Variants in MYO18B observed in about 807,000 individuals in gnomAD.
The protein encoded by MYO18B is unconventional myosin-XVIIIb.
Under a neutral mutation model 273.0 loss-of-function variants are expected in MYO18B, and 204 were observed. The observed-to-expected ratio is 0.75, with a 90% CI of 0.67 to 0.84. MYO18B has a LOEUF of 0.84. Ranked by LOEUF, MYO18B falls within the 40% of genes least tolerant of loss-of-function variation. The pLI is 0.00. For missense variants in MYO18B, 3,212 were observed against 3,287.6 expected, an observed-to-expected ratio of 0.98 and a Z score of 0.56; for synonymous variants, 1,330 against 1,305.7, an observed-to-expected ratio of 1.02 and a Z score of -0.40.
chr22:25,955,242 A>G lies in MYO18B; in HGVS notation c.6034A>G (p.Thr2012Ala), dbSNP rs772367447. Residue 2012 changes from threonine to alanine, a missense_variant, in exon 39 of 44, where the codon ACC becomes GCC. Transcript: ENST00000335473. ...GGGGGAGGAGCTTTCACAGGCGGCC[A>G]CCTCCGAGTCCCAGCAGCGGGAGAG... The part of the protein sequence containing the change: ...KMGEELSQAA[T>A]SESQQRESSQ... The G allele has an allele frequency of 1.2e-5, 19 of 1,613,252 alleles. No homozygotes were observed. The East Asian group carries it at 3.6e-4, about 30-fold the overall frequency.
chr22:25,816,003 C>G (rs1569059911), intron 12 of MYO18B, among the ~76,000 whole-genome samples: 1 of 152,180 alleles, frequency 6.6e-6, no homozygotes. Context: ...ACAACTTTCT[C>G]CAAACCCAGT....
chr22:25,978,318 A>G (rs1486169357), intron 39 of MYO18B, among the ~76,000 whole-genome samples: 1 of 152,134 alleles, frequency 6.6e-6, no homozygotes, highest in Admixed American at 6.5e-5. Context: ...CTTGTCAGAG[A>G]AGGGATAAGG....
chr22:25,835,311 G>GT lies in MYO18B; in HGVS notation c.3076_3077insT (p.Gly1026ValfsTer16). On this transcript the variant is annotated frameshift_variant, in exon 17 of 44. Transcript: ENST00000335473. LOFTEE classifies it high-confidence loss of function. Reference sequence around the variant, plus strand: ...CTCCCAGCAGGTCCGCTTACCAGCTGGAGGAGGTGCCCAGGATGCCAGAGG... The same window carrying GT: ...CTCCCAGCAGGTCCGCTTACCAGCTGTGAGGAGGTGCCCAGGATGCCAGAGG... 6.2e-7 allele frequency: 1 copy of GT among 1,613,884 alleles called. No individual in the cohort carries two copies. The highest frequency in any genetic ancestry group is 8.5e-7 in the Non-Finnish European group (1 of 1,179,820).
At chr22:25,938,009 G>C (rs1444964370) in intron 34 of MYO18B, among the ~76,000 whole-genome samples, 1 of 152,222 alleles carries the variant, frequency 6.6e-6, no homozygotes, top group Non-Finnish European at 1.5e-5. Context: ...CAAGTACCCT[G>C]ATGGGATGTC....
At chr22:25,881,254 C>T (rs1164142594) in intron 25 of MYO18B, among the ~76,000 whole-genome samples, 1 of 152,212 alleles carries the variant, frequency 6.6e-6, no homozygotes, top group African/African-American at 2.4e-5. Context: ...TGGAGTTGGC[C>T]ACGGAGAAGG....
chr22:26,062,083 T>C, the MYO18B span, among the ~76,000 whole-genome samples: 2 of 152,222 alleles, frequency 1.3e-5, no homozygotes, highest in African/African-American at 4.8e-5. Flanking sequence ...TTAGGATCCA[T>C]GAAACATTAT....
chr22:25,743,069 G>T (rs79236830), intron 1 of MYO18B, among the ~76,000 whole-genome samples: 5,026 of 152,360 alleles, frequency 0.033, 217 homozygotes, highest in African/African-American at 0.099. Context: ...CCATGGAGGA[G>T]GCCAGGAGTG....
intron 12 of MYO18B, 48 bp from the exon 13 acceptor site, chr22:25,823,457 C>A: frequency 6.3e-7 from 1 of 1,587,054 alleles, no homozygotes; most frequent in South Asian, 1.1e-5. Flanking sequence ...TTCATTCACC[C>A]CATGCCCAAG....
chr22:25,916,035 T>C (rs576063694), intron 33 of MYO18B, among the ~76,000 whole-genome samples: 1 of 152,326 alleles, frequency 6.6e-6, no homozygotes, highest in Admixed American at 6.5e-5. Context: ...TGAACACAAA[T>C]TCAGGTATTA....
At chr22:25,936,137 G>A (rs1294604378) in intron 34 of MYO18B, among the ~76,000 whole-genome samples, 1 of 152,204 alleles carries the variant, frequency 6.6e-6, no homozygotes, top group Non-Finnish European at 1.5e-5. Context: ...AGGGGTGCTG[G>A]AATATAATAA....
intron 22 of MYO18B, among the ~76,000 whole-genome samples, chr22:25,871,471 C>T (rs986130086): frequency 6.6e-5 from 10 of 152,138 alleles, no homozygotes; most frequent in South Asian, 2.1e-4. Flanking sequence ...AATTCCTTGG[C>T]GGTACCAGAT....
intron 34 of MYO18B, among the ~76,000 whole-genome samples, chr22:25,944,864 A>C (rs1363434524): frequency 6.6e-6 from 1 of 150,524 alleles, no homozygotes; most frequent in East Asian, 1.9e-4. Flanking sequence ...AAAAAAAAAA[A>C]GCTGAGTTAG....
intron 42 of MYO18B, among the ~76,000 whole-genome samples, chr22:26,011,870 G>A (rs990417505): frequency 2.6e-5 from 4 of 152,162 alleles, no homozygotes; most frequent in African/African-American, 7.2e-5. Context: ...ACTGTTGTAT[G>A]TATCATTTGC....
chr22:25,979,470 A>G lies in MYO18B; in HGVS notation c.6157-12893A>G, dbSNP rs181277603. 2.1e-3 allele frequency among the ~76,000 whole-genome samples: 325 copies of G among 152,240 alleles called. 2 individuals are homozygous for G. Among genetic ancestry groups the G allele is most frequent in the African/African-American group, 7.4e-3 (307 of 41,538 alleles). On this transcript the variant is annotated intron_variant, in intron 39 of 43. Transcript: ENST00000335473. ...AGCAACTGGGTGGTTGACTCTGGGA[A>G]GTTGGGATTGGGGCGTTTGGAGTTT...
chr22:25,917,545 G>GT (rs1555944184), intron 33 of MYO18B, among the ~76,000 whole-genome samples: 2 of 142,152 alleles, frequency 1.4e-5, no homozygotes, highest in African/African-American at 5.2e-5. Flanking sequence ...GCTTTGTAGG[G>GT]GTGTGTGTGT....
intron 7 of MYO18B, among the ~76,000 whole-genome samples, chr22:25,775,025 C>T (rs2086864293): frequency 6.6e-6 from 1 of 152,264 alleles, no homozygotes; most frequent in African/African-American, 2.4e-5. Context: ...ATAGGAGGGC[C>T]TTCAGGAACC....
chr22:25,764,547 A>G (rs2086437859), intron 3 of MYO18B, among the ~76,000 whole-genome samples: 1 of 152,194 alleles, frequency 6.6e-6, no homozygotes, highest in African/African-American at 2.4e-5. Flanking sequence ...TTGCCCGGCT[A>G]GTCCCACATG....
chr22:25,870,372 C>T (rs1005785113), intron 22 of MYO18B, among the ~76,000 whole-genome samples: 8 of 152,186 alleles, frequency 5.3e-5, no homozygotes, highest in East Asian at 1.9e-4. Flanking sequence ...CAAACCTGTA[C>T]AGCATGTGAC....
At chr22:26,015,885 AC>A (rs1358423539) in intron 42 of MYO18B, among the ~76,000 whole-genome samples, 1 of 152,026 alleles carries the variant, frequency 6.6e-6, no homozygotes, top group Non-Finnish European at 1.5e-5. Context: ...TGCATCTACC[AC>A]CCCCTCTAGA....
Sources: allele counts gnomAD v4.1 joint callset (sites outside exome capture counted in the v4.1 genomes callset), GRCh38; gene constraint gnomAD v4.1.1; transcripts MANE v1.5; gene names NCBI Gene and HGNC (gene_info 2026-07-23, HGNC 2026-07-21).